The following SLCO1B3 variants were observed in gnomAD, a reference collection of about 807,000 sequenced individuals.
SLCO1B3 encodes solute carrier organic anion transporter family member 1B3.
Under a neutral mutation model 71.8 loss-of-function variants are expected in SLCO1B3, and 72 were observed. The ratio of observed to expected loss-of-function variants is 1.00; its 90% confidence interval spans 0.83 to 1.22. The LOEUF is 1.22. Ranked by LOEUF, SLCO1B3 falls within the 50% of genes most tolerant of loss-of-function variation. SLCO1B3 has a pLI of 0.00. For synonymous variants in SLCO1B3, 298 were observed against 278.4 expected (o/e 1.07, Z -0.70); for missense variants, 911 against 819.7 (o/e 1.11, Z -1.36).
intron 2 of SLCO1B3, among the ~76,000 whole-genome samples, chr12:20,814,683 G>A (rs3942320): frequency 0.72 from 110,053 of 151,924 alleles, 39,934 homozygotes; most frequent in East Asian, 0.79. Flanking sequence ...GAGGTCAGGA[G>A]ATCGAGACCA....
Position 20,815,710 on chromosome 12 carries a change from A to ATAG in SLCO1B3, c.-29_-28insTAG, listed in dbSNP as rs376671816. 2.5e-5 allele frequency: 38 copies of ATAG among 1,490,686 alleles called. No individual in the cohort carries two copies. Among genetic ancestry groups the ATAG allele is most frequent in the Non-Finnish European group, 3.2e-5 (35 of 1,078,358 alleles). 92.3% of individuals were successfully genotyped at this position (1,490,686 alleles called of 1,614,324 possible). A position where few individuals can be genotyped will look rare whatever the true frequency, so the allele number is the denominator to read the frequency against. ...AAACCAAGCATCAGCAACAATTAAA[A>ATAG]ATATTCACTTGGTATCTGTAGTTTA... On this transcript the variant is annotated 5_prime_UTR_variant, in exon 3 of 16. Coordinates refer to ENST00000381545, the MANE Select transcript of SLCO1B3 (RefSeq NM_019844.4).
At chr12:20,855,278 C>T (rs992374019) in intron 4 of SLCO1B3, 109 bp downstream of exon 4, 2 of 948,334 alleles carry the variant, frequency 2.1e-6, no homozygotes. Context: ...ATTTGTCTCT[C>T]ATGGGCAATT....
intron 8 of SLCO1B3, among the ~76,000 whole-genome samples, chr12:20,868,459 A>T (rs1865413720): frequency 1.3e-5 from 2 of 152,126 alleles, no homozygotes; most frequent in African/African-American, 2.4e-5. Context: ...GAAACTTTTT[A>T]TACCCATTGA....
At chr12:20,845,298 A>AC in intron 3 of SLCO1B3, 1 of 240,826 alleles carries the variant, frequency 4.2e-6, no homozygotes, top group South Asian at 3.1e-5. Context: ...AAAAGGTTTG[A>AC]CCCTGATCAA....
intron 3 of SLCO1B3, among the ~76,000 whole-genome samples, chr12:20,849,164 T>A (rs1591759748): frequency 6.6e-6 from 1 of 151,810 alleles, no homozygotes; most frequent in African/African-American, 2.4e-5. Flanking sequence ...ATTAAAAAAT[T>A]TTTCAAGAAA....
At chr12:20,901,185 C>T (rs1306693779) in intron 14 of SLCO1B3, among the ~76,000 whole-genome samples, 165 bp from the exon 15 acceptor site, 3 of 152,216 alleles carry the variant, frequency 2.0e-5, no homozygotes, top group East Asian at 1.9e-4. Context: ...TAAGCCTTTG[C>T]GATTTCTAAT....
At chr12:20,864,262 T>C (rs1232673488) in intron 8 of SLCO1B3, among the ~76,000 whole-genome samples, 1 of 151,924 alleles carries the variant, frequency 6.6e-6, no homozygotes, top group African/African-American at 2.4e-5. Context: ...CATGCCTTTA[T>C]TGTAGCCCTT....
chr12:20,827,525 T>G (rs994773664), intron 3 of SLCO1B3, among the ~76,000 whole-genome samples: 1 of 152,106 alleles, frequency 6.6e-6, no homozygotes, highest in African/African-American at 2.4e-5. Context: ...AAGATTCATA[T>G]TTTAGATATT....
Position 20,858,879 on chromosome 12 carries a change from C to T in SLCO1B3, c.359+308C>T, listed in dbSNP as rs4762683. The T allele has an allele frequency of 0.73, 119,480 of 163,350 alleles. 46,366 individuals are homozygous for T. Among genetic ancestry groups the T allele is most frequent in the South Asian group, 0.9 (4,937 of 5,494 alleles). 10.1% of individuals were successfully genotyped at this position (163,350 alleles called of 1,614,324 possible). A position where few individuals can be genotyped will look rare whatever the true frequency, so the allele number is the denominator to read the frequency against. ...TAACATATGTATTTTATGTTTTTGC[C>T]TGTAAGATTTTGATTATCCTCAGTA... On this transcript the variant is annotated intron_variant, in intron 5 of 15. Coordinates refer to ENST00000381545, the MANE Select transcript of SLCO1B3 (RefSeq NM_019844.4).
intron 3 of SLCO1B3, among the ~76,000 whole-genome samples, chr12:20,825,021 C>T (rs970667927): frequency 2.6e-5 from 4 of 151,798 alleles, no homozygotes; most frequent in Non-Finnish European, 4.4e-5. Flanking sequence ...AACAATGAGC[C>T]CTAAGAGAGA....
intron 3 of SLCO1B3, among the ~76,000 whole-genome samples, chr12:20,817,696 T>G (rs1343855772): frequency 1.3e-5 from 2 of 152,102 alleles, no homozygotes; most frequent in Non-Finnish European, 2.9e-5. Context: ...CATGCCATTA[T>G]CCTGCCTCAG....
chr12:20,862,174 CAGA>C (rs1324085964), intron 6 of SLCO1B3, among the ~76,000 whole-genome samples: 2 of 152,022 alleles, frequency 1.3e-5, no homozygotes, highest in Non-Finnish European at 2.9e-5. Context: ...ACTAAAAATG[CAGA>C]AGATCTAGAA....
At chr12:20,849,861 A>C (rs988003555) in intron 3 of SLCO1B3, among the ~76,000 whole-genome samples, 1 of 151,782 alleles carries the variant, frequency 6.6e-6, no homozygotes, top group African/African-American at 2.4e-5. Context: ...CAAAAAGGTT[A>C]AAAAAAATCA....
At chr12:20,884,399 A>G (rs1388386848) in intron 13 of SLCO1B3, among the ~76,000 whole-genome samples, 1 of 152,182 alleles carries the variant, frequency 6.6e-6, no homozygotes, top group African/African-American at 2.4e-5. Flanking sequence ...TCTCAAAAGA[A>G]GTGACATTAT....
At chr12:20,833,935 T>C (rs767891446) in intron 3 of SLCO1B3, among the ~76,000 whole-genome samples, 5 of 147,128 alleles carry the variant, frequency 3.4e-5, no homozygotes, top group African/African-American at 1.2e-4. Context: ...CACATACATA[T>C]GTACACATAT....
At chr12:20,909,469 G>A (rs879817519) in intron 15 of SLCO1B3, among the ~76,000 whole-genome samples, 24 of 151,630 alleles carry the variant, frequency 1.6e-4, no homozygotes, top group East Asian at 3.9e-4. Context: ...CACCACACCC[G>A]GTCATGAAGC....
At position 20,883,434 on chromosome 12, in the gene SLCO1B3, G is replaced by A. The variant is rs751258776; in HGVS notation, c.1514G>A (p.Ser505Asn). Residue 505 changes from serine to asparagine, a missense_variant, in exon 13 of 16, where the codon AGT (serine) becomes AAT (asparagine). Physicochemically the swap from Ser to Asn is conservative, Grantham distance 46. Coordinates refer to ENST00000381545, the MANE Select transcript of SLCO1B3 (RefSeq NM_019844.4). Reference protein sequence around the residue: ...IKKHTVFYNCSCVEVTGLQNR... With the variant: ...IKKHTVFYNCNCVEVTGLQNR... ...TATTTTTAGGTGTTTTATAACTGTA[G>A]TTGTGTGGAAGTAACTGGTCTCCAG... 3.9e-6 allele frequency: 6 copies of A among 1,556,638 alleles called. No homozygotes were observed. In the South Asian group the frequency reaches 4.9e-5, roughly 13 times the overall value.
In SLCO1B3 at chr12:20,916,096, G is replaced by A; in HGVS notation, c.1958G>A (p.Gly653Glu). ...FIFAMKKKFQ[G>E]KDTKASDNER... ...TTTGCTATGAAGAAAAAATTTCAAGGAAAAGATACCAAGGCATCGGACAAT... is the reference window on the plus strand; with the variant it reads ...TTTGCTATGAAGAAAAAATTTCAAGAAAAAGATACCAAGGCATCGGACAAT... The change falls in exon 16 of 16, where the codon GGA becomes GAA. Residue 653 changes from glycine (G) to glutamate (E), a missense_variant. Gly to Glu is a moderately conservative substitution (Grantham distance 98). Transcript: ENST00000381545. 1 of 1,613,254 alleles carries A rather than the reference G, an allele frequency of 6.2e-7. No individual in the cohort carries two copies. Among genetic ancestry groups the A allele is most frequent in the Non-Finnish European group, 8.5e-7 (1 of 1,179,538 alleles).
At chr12:20,863,557 G>A (rs1865312756) in intron 8 of SLCO1B3, among the ~76,000 whole-genome samples, 2 of 152,008 alleles carry the variant, frequency 1.3e-5, no homozygotes, top group Admixed American at 1.3e-4. Context: ...TTATGAAAAA[G>A]TATTTATCTT....
Sources: gnomAD v4.1 joint callset for allele counts (sites outside exome capture counted in the v4.1 genomes callset) on GRCh38, gnomAD v4.1.1 for gene constraint, MANE v1.5 for transcripts, NCBI Gene and HGNC (gene_info 2026-07-23, HGNC 2026-07-21) for gene names.